Variants in ARHGEF26 observed in about 807,000 individuals in gnomAD.
ARHGEF26 encodes Rho guanine nucleotide exchange factor (GEF) 26.
In ARHGEF26, 59 loss-of-function variants were observed where a neutral mutation model predicts 89.4. The ratio of observed to expected loss-of-function variants is 0.66; its 90% CI spans 0.54 to 0.82. The LOEUF (loss-of-function observed/expected upper bound fraction) is 0.82, where lower values mean the gene tolerates loss of function less well. Ranked by LOEUF, ARHGEF26 falls within the 40% of genes least tolerant of loss-of-function variation. The pLI, the probability that ARHGEF26 is intolerant of heterozygous loss-of-function variation, is 0.00. For synonymous variants in ARHGEF26, 500 were observed against 428.4 expected, an observed-to-expected ratio of 1.17 and a Z score of -2.06; for missense variants, 1,234 against 1,085.6, an observed-to-expected ratio of 1.14 and a Z score of -1.92.
At chr3:154,172,127 A>T (rs1449414989) in intron 6 of ARHGEF26, among the ~76,000 whole-genome samples, 1 of 152,198 alleles carries the variant, frequency 6.6e-6, no homozygotes, top group East Asian at 1.9e-4. Flanking sequence ...AGCAGGTGCG[A>T]CCGGCTCATT....
rs574238956 is a variant in ARHGEF26 at position 154,255,548 on chromosome 3, T to A, written c.*75T>A. 1 of 1,518,326 alleles carries A rather than the reference T, an allele frequency of 6.6e-7. No homozygotes were observed. Among genetic ancestry groups the A allele is most frequent in the African/African-American group, 1.4e-5 (1 of 71,642 alleles). 94.1% of individuals were successfully genotyped at this position (1,518,326 alleles called of 1,614,324 possible). A position where few individuals can be genotyped will look rare whatever the true frequency, so the allele number is the denominator to read the frequency against. ...GCTGGTTGGTTCTGGGCTAGTTTTA[T>A]TGTTAATTTTGTCACAGCCTATTTA... is the stretch of plus-strand genomic sequence containing the variant. On this transcript the variant is annotated 3_prime_UTR_variant, in exon 15 of 15. Transcript: ENST00000465093.
At position 154,122,939 on chromosome 3, in the gene ARHGEF26, C is replaced by T. The variant is rs1718082573; in HGVS notation, c.947C>T (p.Ser316Phe). The change falls in exon 2 of 15, where the codon TCT becomes TTT. Residue 316 changes from serine to phenylalanine, a missense_variant. Coordinates refer to ENST00000465093, the MANE Select transcript of ARHGEF26 (RefSeq NM_015595.4). ...CTGCGGAGAGGCTTGCGGTCCACGTCTTATCGCAGGGCAGTGGTCAGTGGC... is the reference window on the plus strand; with the variant it reads ...CTGCGGAGAGGCTTGCGGTCCACGTTTTATCGCAGGGCAGTGGTCAGTGGC... ...GSLRRGLRST[S>F]YRRAVVSGFD... 6.2e-7 allele frequency: 1 copy of T among 1,613,448 alleles called. No individual in the cohort carries two copies. The highest frequency in any genetic ancestry group is 1.3e-5 in the African/African-American group (1 of 74,918).
At chr3:154,188,901 G>A (rs546960267) in intron 7 of ARHGEF26, among the ~76,000 whole-genome samples, 1 of 152,108 alleles carries the variant, frequency 6.6e-6, no homozygotes, top group Admixed American at 6.5e-5. Context: ...GGGTTTGTTC[G>A]CACAATTGAC....
rs375520126 is a variant in ARHGEF26, at chr3:154,161,826, T to C, written c.1487+8894T>C. ...GAGCTATTTTTTCCAACCAGCCTGGTGTTTTCTTTGTGAGTGGTAGATTCC... is the reference window on the plus strand; with the variant it reads ...GAGCTATTTTTTCCAACCAGCCTGGCGTTTTCTTTGTGAGTGGTAGATTCC... On this transcript the variant is annotated intron_variant, in intron 6 of 14. Transcript: ENST00000465093. Among the ~76,000 whole-genome samples, 19 of 152,242 alleles carry C rather than the reference T, an allele frequency of 1.2e-4. No homozygotes were observed. The East Asian group carries it at 2.3e-3, about 19-fold the overall frequency.
chr3:154,239,257 AGAGG>A (rs754736337), intron 11 of ARHGEF26, among the ~76,000 whole-genome samples: 1,471 of 63,148 alleles, frequency 0.023, 6 homozygotes, highest in African/African-American at 0.043. Flanking sequence ...ACCGAGAGAG[AGAGG>A]GAGAGAGAGA....
chr3:154,125,025 AT>A (rs1718247670), intron 3 of ARHGEF26, among the ~76,000 whole-genome samples: 2 of 151,248 alleles, frequency 1.3e-5, no homozygotes, highest in Admixed American at 6.6e-5. Flanking sequence ...CCCTAATCAG[AT>A]TAATGGACTT....
At chr3:154,194,614 T>G in intron 8 of ARHGEF26, 30 bp from the exon 9 acceptor site, 1 of 1,506,758 alleles carries the variant, frequency 6.6e-7, no homozygotes, top group Non-Finnish European at 9.1e-7. Context: ...AATAGATCAA[T>G]AAATTTTGTT....
intron 4 of ARHGEF26, among the ~76,000 whole-genome samples, chr3:154,145,897 T>TA (rs1396045955): frequency 2.0e-5 from 3 of 152,186 alleles, no homozygotes; most frequent in African/African-American, 7.2e-5. Flanking sequence ...CAAGAAATAT[T>TA]ACACAAAGTT....
At position 154,122,678 on chromosome 3, in the gene ARHGEF26, A is replaced by C; in HGVS notation, c.686A>C (p.Glu229Ala). 2 of 1,613,892 alleles carry C rather than the reference A, an allele frequency of 1.2e-6. No individual in the cohort carries two copies. The highest frequency in any genetic ancestry group is 1.7e-6 in the Non-Finnish European group (2 of 1,179,860). ...RLPSQENELL[E>A]NPSVVLSTNS... ...CCCTCCCAGGAGAACGAGCTCCTCGAGAATCCTTCCGTGGTTTTGAGTACA... is the reference window on the plus strand; with the variant it reads ...CCCTCCCAGGAGAACGAGCTCCTCGCGAATCCTTCCGTGGTTTTGAGTACA... The change falls in exon 2 of 15, where the codon GAG becomes GCG. Residue 229 changes from glutamate (E) to alanine (A), a missense_variant. Transcript: ENST00000465093.
At chr3:154,141,939 A>C (rs1719409621) in intron 4 of ARHGEF26, among the ~76,000 whole-genome samples, 1 of 152,218 alleles carries the variant, frequency 6.6e-6, no homozygotes, top group South Asian at 2.1e-4. Flanking sequence ...ACTGCACTGT[A>C]GTGAATGAGG....
At chr3:154,229,866 G>A (rs934542448) in intron 11 of ARHGEF26, among the ~76,000 whole-genome samples, 11 of 152,064 alleles carry the variant, frequency 7.2e-5, no homozygotes, top group African/African-American at 2.7e-4. Context: ...TAGTAATATT[G>A]TATTATAAAA....
chr3:154,257,295 A>G lies in ARHGEF26; in HGVS notation c.*1822A>G, dbSNP rs1278600025. Reference sequence around the variant, plus strand: ...CAACTGTGTTAATGAAGTAATAGCAATGGTCCACAGTGAAAGATGTGTTGG... The same window carrying G: ...CAACTGTGTTAATGAAGTAATAGCAGTGGTCCACAGTGAAAGATGTGTTGG... On this transcript the variant is annotated 3_prime_UTR_variant, in exon 15 of 15. Transcript: ENST00000465093. The G allele has an allele frequency of 1.1e-5, 2 of 174,694 alleles. No individual in the cohort carries two copies. Among genetic ancestry groups the G allele is most frequent in the Admixed American group, 6.3e-5 (1 of 15,966 alleles). The allele number at this position is 174,694 out of a possible 1,614,324, so 10.8% of individuals were successfully genotyped here.
chr3:154,150,903 T>G (rs1719982387), intron 5 of ARHGEF26, among the ~76,000 whole-genome samples: 1 of 152,236 alleles, frequency 6.6e-6, no homozygotes, highest in South Asian at 2.1e-4. Flanking sequence ...GTTGATGGTA[T>G]TATTGCAGGA....
At chr3:154,137,616 T>C (rs1576690026) in intron 4 of ARHGEF26, among the ~76,000 whole-genome samples, 1 of 152,222 alleles carries the variant, frequency 6.6e-6, no homozygotes, top group South Asian at 2.1e-4. Context: ...TAGATTATGG[T>C]ACATTTCTGA....
In ARHGEF26 at chr3:154,255,927, T is replaced by G. The variant is rs1718470251; in HGVS notation, c.*454T>G. 1.0e-5 allele frequency: 10 copies of G among 985,004 alleles called. No homozygotes were observed. The South Asian group carries it at 2.8e-4, about 28-fold the overall frequency. The allele number at this position is 985,004 out of a possible 1,614,324, so 61.0% of individuals were successfully genotyped here. On this transcript the variant is annotated 3_prime_UTR_variant, in exon 15 of 15. Coordinates refer to ENST00000465093, the MANE Select transcript of ARHGEF26 (RefSeq NM_015595.4). ...CAGTTTTGTAAATATTTCCCTGCCT[T>G]TTTTTTTCTTTTTTTACATCTGATT... is the stretch of plus-strand genomic sequence containing the variant.
chr3:154,186,316 C>T (rs1243973052), intron 6 of ARHGEF26, among the ~76,000 whole-genome samples: 8 of 152,132 alleles, frequency 5.3e-5, no homozygotes, highest in African/African-American at 1.9e-4. Flanking sequence ...CTGGAAACTA[C>T]TCAAGTCTCC....
intron 6 of ARHGEF26, among the ~76,000 whole-genome samples, chr3:154,165,815 C>G (rs983490751): frequency 3.9e-5 from 6 of 152,106 alleles, no homozygotes; most frequent in African/African-American, 1.4e-4. Flanking sequence ...CTGTTATCAC[C>G]AGCTCACACT....
At chr3:154,149,505 T>C (rs780748604) in intron 5 of ARHGEF26, 60 bp downstream of exon 5, 66 of 1,452,020 alleles carry the variant, frequency 4.5e-5, no homozygotes, top group Non-Finnish European at 5.9e-5. Context: ...GTGTCTGCTT[T>C]TTTGTGTTTT....
chr3:154,205,223 T>A (rs910354753), intron 9 of ARHGEF26, among the ~76,000 whole-genome samples: 2 of 152,190 alleles, frequency 1.3e-5, no homozygotes, highest in Non-Finnish European at 2.9e-5. Flanking sequence ...TATTATATCC[T>A]CTTGCTGAAT....
Sources: allele counts gnomAD v4.1 joint callset (sites outside exome capture counted in the v4.1 genomes callset), GRCh38; gene constraint gnomAD v4.1.1; transcripts MANE v1.5; gene names NCBI Gene and HGNC (gene_info 2026-07-23, HGNC 2026-07-21).